The following WDR25 variants were observed in gnomAD, a reference collection of about 807,000 sequenced individuals.
The protein encoded by WDR25 is WD repeat-containing protein 25.
Under a neutral mutation model 47.7 loss-of-function variants are expected in WDR25, and 35 were observed. The ratio of observed to expected loss-of-function variants is 0.73; its 90% CI spans 0.56 to 0.97. The LOEUF is 0.97. WDR25 is among the 50% of genes least tolerant of loss of function. The pLI is 0.00. For synonymous variants in WDR25, 248 were observed against 278.9 expected (o/e 0.89, Z 1.10); for missense variants, 634 against 704.7 (o/e 0.90, Z 1.14).
rs1012611090 is a variant in WDR25, at chr14:100,488,241, G to T, written c.1101+4117G>T. ...TGTGTTCTGCACAAGCCAGCTGTGC[G>T]TACTTACTTGAAACTGGCTTCCTGC... On this transcript the variant is annotated intron_variant, in intron 4 of 6. Transcript: ENST00000402312. The surrounding 1 kb of genome is among the most constrained non-coding windows in gnomAD (Gnocchi z 4.2). Among the ~76,000 whole-genome samples, 1 of 152,132 alleles carries T rather than the reference G, an allele frequency of 6.6e-6. No individual in the cohort carries two copies. Among genetic ancestry groups the T allele is most frequent in the African/African-American group, 2.4e-5 (1 of 41,430 alleles).
intron 4 of WDR25, among the ~76,000 whole-genome samples, chr14:100,501,217 C>A (rs1025715518): frequency 7.0e-6 from 1 of 142,054 alleles, no homozygotes; most frequent in African/African-American, 3.2e-5. Flanking sequence ...AGCTGGCGAG[C>A]CCAACTTTCC....
chr14:100,395,583 T>G (rs1472331019), intron 2 of WDR25, among the ~76,000 whole-genome samples: 1 of 152,222 alleles, frequency 6.6e-6, no homozygotes, highest in Non-Finnish European at 1.5e-5. Flanking sequence ...ACTTCCCTGC[T>G]TGGGGGCTCC....
At chr14:100,467,402 G>T (rs1036247012) in intron 2 of WDR25, among the ~76,000 whole-genome samples, 1 of 152,214 alleles carries the variant, frequency 6.6e-6, no homozygotes, top group Non-Finnish European at 1.5e-5. Flanking sequence ...GGATAGGGTT[G>T]TGAATGCTGA....
At chr14:100,454,355 T>C in intron 2 of WDR25, 2 of 1,285,686 alleles carry the variant, frequency 1.6e-6, no homozygotes, top group Non-Finnish European at 2.0e-6. Flanking sequence ...ATGGAGTATG[T>C]GTATGGCAGG....
Position 100,430,151 on chromosome 14 carries a change from G to GGTGT in WDR25, c.823-37839_823-37836dup, listed in dbSNP as rs59318813. ...CAAATCTTGCAGACCAAGGGGGCCT[G>GGTGT]GTGTGTGTGTGTGTGTGTGTGTGTG... On this transcript the variant is annotated intron_variant, in intron 2 of 6. Coordinates refer to ENST00000402312, the MANE Select transcript of WDR25 (RefSeq NM_001161476.3). This position sits in a 1 kb window ranked among gnomAD's most constrained non-coding sequence, Gnocchi z 4.7. 0.072 allele frequency among the ~76,000 whole-genome samples: 10,515 copies of GGTGT among 146,806 alleles called. 765 individuals carry two copies. Among genetic ancestry groups the GGTGT allele is most frequent in the African/African-American group, 0.19 (7,765 of 39,848 alleles).
At chr14:100,479,802 A>C (rs1250303993) in intron 3 of WDR25, among the ~76,000 whole-genome samples, 1 of 152,128 alleles carries the variant, frequency 6.6e-6, no homozygotes, top group Non-Finnish European at 1.5e-5. Flanking sequence ...GTGAGTGAAC[A>C]TTCCCGCCTG....
At chr14:100,389,701 T>C (rs934984980) in intron 2 of WDR25, among the ~76,000 whole-genome samples, 1 of 152,196 alleles carries the variant, frequency 6.6e-6, no homozygotes, top group Non-Finnish European at 1.5e-5. Flanking sequence ...CTACGTGGAA[T>C]ACTGTGATAC....
intron 3 of WDR25, among the ~76,000 whole-genome samples, chr14:100,482,047 G>C (rs1204020670): frequency 2.0e-5 from 3 of 151,038 alleles, no homozygotes; most frequent in South Asian, 2.1e-4. Flanking sequence ...ATGTCTGCAC[G>C]ATCCTCAACC....
chr14:100,441,551 G>C (rs1444627016), intron 2 of WDR25, among the ~76,000 whole-genome samples: 1 of 152,212 alleles, frequency 6.6e-6, no homozygotes. Context: ...AGGGGCAGCA[G>C]GGGAGGGTGG....
intron 4 of WDR25, among the ~76,000 whole-genome samples, chr14:100,493,632 A>G (rs541961938): frequency 1.3e-5 from 2 of 152,168 alleles, no homozygotes; most frequent in Non-Finnish European, 2.9e-5. Flanking sequence ...ACAGTGACAC[A>G]TCGTTGTCAC....
rs12588161 is a variant in WDR25, at chr14:100,469,221, C to G, written c.970+1053C>G. On this transcript the variant is annotated intron_variant, in intron 3 of 6. Transcript: ENST00000402312. ...GAGATGATAACTTGCTGGTCCAACC[C>G]CTGCCACTCATGCCCAGCAGCCCCC... is the stretch of plus-strand genomic sequence containing the variant. 6.7e-4 allele frequency among the ~76,000 whole-genome samples: 102 copies of G among 152,250 alleles called. No homozygotes were observed. The East Asian group carries it at 0.019, about 28-fold the overall frequency.
Position 100,462,953 on chromosome 14 carries a change from C to CT in WDR25, c.823-5068_823-5067insT, listed in dbSNP as rs151167601. ...CCCTTCTCCCCTTCTCTTCTCTCCC[C>CT]CTTCCTCTCCCCCTTGCTCCTTCCT... On this transcript the variant is annotated intron_variant, in intron 2 of 6. Coordinates refer to ENST00000402312, the MANE Select transcript of WDR25 (RefSeq NM_001161476.3). 0.034 allele frequency among the ~76,000 whole-genome samples: 547 copies of CT among 16,176 alleles called. 145 individuals carry two copies. In the African/African-American group the frequency reaches 0.44, roughly 13 times the overall value. 10.6% of individuals were successfully genotyped at this position (16,176 alleles called of 152,430 possible).
At chr14:100,416,876 C>T (rs1332299712) in intron 2 of WDR25, among the ~76,000 whole-genome samples, 1 of 152,242 alleles carries the variant, frequency 6.6e-6, no homozygotes, top group Non-Finnish European at 1.5e-5. Context: ...AGTAACTTCA[C>T]AGTCATGAGG....
Position 100,428,123 on chromosome 14 carries a change from CA to C in WDR25, c.823-39896del, listed in dbSNP as rs778991771. ...CACAGTTCCCCCTGGAGCATTCACGCAAGGTCACTTTTCCCATCTGAGGAAA... is the reference window on the plus strand; with the variant it reads ...CACAGTTCCCCCTGGAGCATTCACGCAGGTCACTTTTCCCATCTGAGGAAA... On this transcript the variant is annotated intron_variant, in intron 2 of 6. Coordinates refer to ENST00000402312, the MANE Select transcript of WDR25 (RefSeq NM_001161476.3). The surrounding 1 kb of genome is among the most constrained non-coding windows in gnomAD (Gnocchi z 4.3). Among the ~76,000 whole-genome samples, 8 of 152,238 alleles carry C rather than the reference CA, an allele frequency of 5.3e-5. No individual in the cohort carries two copies. Among genetic ancestry groups the C allele is most frequent in the Non-Finnish European group, 1.0e-4 (7 of 68,036 alleles).
At chr14:100,461,182 C>T (rs1899401200) in intron 2 of WDR25, among the ~76,000 whole-genome samples, 1 of 152,134 alleles carries the variant, frequency 6.6e-6, no homozygotes, top group African/African-American at 2.4e-5. Flanking sequence ...CACCACTTCA[C>T]TCCAGCCTGG....
At chr14:100,450,415 G>A (rs1411207668) in intron 2 of WDR25, among the ~76,000 whole-genome samples, 1 of 152,218 alleles carries the variant, frequency 6.6e-6, no homozygotes, top group Non-Finnish European at 1.5e-5. Flanking sequence ...TCACAGCACT[G>A]ATCTGAGTGA....
At chr14:100,417,147 C>T (rs981592429) in intron 2 of WDR25, among the ~76,000 whole-genome samples, 1 of 152,244 alleles carries the variant, frequency 6.6e-6, no homozygotes, top group African/African-American at 2.4e-5. Flanking sequence ...CCCCTCCCTT[C>T]TCTATGGGCC....
chr14:100,420,325 C>T (rs1043335171), intron 2 of WDR25, among the ~76,000 whole-genome samples: 1 of 151,186 alleles, frequency 6.6e-6, no homozygotes, highest in Non-Finnish European at 1.5e-5. Context: ...TTTTTTTTAT[C>T]GTTCTATAGG....
chr14:100,437,379 T>A (rs1229167002), intron 2 of WDR25, among the ~76,000 whole-genome samples: 1 of 152,142 alleles, frequency 6.6e-6, no homozygotes. Context: ...GAGTGTTGAG[T>A]CTCACTGTTT....
Sources: gnomAD v4.1 joint callset for allele counts (sites outside exome capture counted in the v4.1 genomes callset) on GRCh38, gnomAD v4.1.1 for gene constraint, Gnocchi (gnomAD v3.1) non-coding constraint, MANE v1.5 for transcripts, NCBI Gene and HGNC (gene_info 2026-07-23, HGNC 2026-07-21) for gene names.